The following CEP112 variants were observed in gnomAD, a reference collection of about 807,000 sequenced individuals.
CEP112 encodes the protein centrosomal protein 112, also known as centrosomal protein of 112 kDa.
Under a neutral mutation model 153.0 loss-of-function variants are expected in CEP112, and 127 were observed. The observed-to-expected ratio is 0.83, with a 90% CI of 0.72 to 0.96. The LOEUF (loss-of-function observed/expected upper bound fraction) is 0.96. Among genes scored for constraint, CEP112 ranks in the 40% least tolerant of loss-of-function variants. The pLI is 0.00. For missense variants in CEP112, 1,089 were observed against 1,101.2 expected (o/e 0.99, Z 0.16); for synonymous variants, 358 against 374.4 (o/e 0.96, Z 0.51).
chr17:66,112,227 G>A (rs1325569953), intron 6 of CEP112, among the ~76,000 whole-genome samples: 1 of 151,922 alleles, frequency 6.6e-6, no homozygotes, highest in Non-Finnish European at 1.5e-5. Context: ...GGAGGCGGAG[G>A]TTGCAGTGAG....
intron 21 of CEP112, among the ~76,000 whole-genome samples, chr17:65,797,444 T>A (rs2055003590): frequency 6.6e-6 from 1 of 152,172 alleles, no homozygotes; most frequent in African/African-American, 2.4e-5. Context: ...TGTTTACCAT[T>A]TGGGAGGATA....
intron 4 of CEP112, among the ~76,000 whole-genome samples, chr17:66,159,706 A>T (rs2071611438): frequency 6.6e-6 from 1 of 152,190 alleles, no homozygotes; most frequent in Admixed American, 6.5e-5. Flanking sequence ...GTACCTCAAA[A>T]TAGTAAGAGC....
At chr17:65,690,884 G>A (rs902495743) in intron 23 of CEP112, among the ~76,000 whole-genome samples, 3 of 152,134 alleles carry the variant, frequency 2.0e-5, no homozygotes, top group African/African-American at 7.2e-5. Flanking sequence ...GAAGTTGCTG[G>A]GGGGTGGGGA....
At chr17:66,004,309 G>A (rs1365742307) in intron 17 of CEP112, among the ~76,000 whole-genome samples, 3 of 151,970 alleles carry the variant, frequency 2.0e-5, no homozygotes, top group African/African-American at 4.8e-5. Context: ...GTGAAACCCA[G>A]TCTCTACTAA....
intron 21 of CEP112, among the ~76,000 whole-genome samples, chr17:65,847,813 G>A (rs2057782768): frequency 1.3e-5 from 2 of 152,204 alleles, no homozygotes; most frequent in South Asian, 4.1e-4. Context: ...AAAAGGTCGG[G>A]GAAGGATGCT....
chr17:65,860,925 T>C (rs960539284), intron 20 of CEP112, among the ~76,000 whole-genome samples: 2 of 152,036 alleles, frequency 1.3e-5, no homozygotes, highest in Non-Finnish European at 2.9e-5. Flanking sequence ...TATTCAGCAA[T>C]AAAGAGAAAT....
At chr17:65,800,677 A>G (rs1377104930) in intron 21 of CEP112, among the ~76,000 whole-genome samples, 2 of 152,196 alleles carry the variant, frequency 1.3e-5, no homozygotes, top group Non-Finnish European at 2.9e-5. Context: ...TTTTTGAGAA[A>G]CCATCAAACT....
intron 12 of CEP112, among the ~76,000 whole-genome samples, chr17:66,038,788 G>A (rs1427888494): frequency 6.6e-6 from 1 of 152,192 alleles, no homozygotes. Flanking sequence ...GTGAACTGAT[G>A]TAACTTGTAA....
rs2066550098 is a variant in CEP112, at chr17:66,053,725, T to C, written c.1218+11A>G. The C allele has an allele frequency of 6.2e-7, 1 of 1,608,480 alleles. No individual in the cohort carries two copies. Among genetic ancestry groups the C allele is most frequent in the African/African-American group, 1.3e-5 (1 of 74,800 alleles). ...GGTTCTAAGATGTCAAGAACAGGTT[T>C]AAAGACTCACTGTGGACTGTGTTTG... On this transcript the variant is annotated intron_variant, in intron 12 of 26. Coordinates refer to ENST00000535342, the MANE Select transcript of CEP112 (RefSeq NM_001199165.4).
At chr17:66,113,194 A>G (rs2069134989) in intron 6 of CEP112, among the ~76,000 whole-genome samples, 1 of 117,250 alleles carries the variant, frequency 8.5e-6, no homozygotes, top group Non-Finnish European at 1.8e-5. Context: ...TTAAATATGT[A>G]CCAGCTGAAG....
intron 6 of CEP112, among the ~76,000 whole-genome samples, chr17:66,101,500 G>T (rs2068568274): frequency 6.6e-6 from 1 of 152,048 alleles, no homozygotes; most frequent in Non-Finnish European, 1.5e-5. Context: ...TCCTGATTAA[G>T]TATTATAACA....
chr17:65,712,051 C>T (rs2049216819), intron 23 of CEP112, among the ~76,000 whole-genome samples: 1 of 152,138 alleles, frequency 6.6e-6, no homozygotes, highest in Non-Finnish European at 1.5e-5. Flanking sequence ...CAGAGTCCAT[C>T]GACTGCTGCG....
At chr17:66,149,078 A>C (rs1192453602) in intron 4 of CEP112, among the ~76,000 whole-genome samples, 7 of 152,186 alleles carry the variant, frequency 4.6e-5, no homozygotes, top group Non-Finnish European at 8.8e-5. Context: ...ACCTCAATTA[A>C]GATGATTGTG....
chr17:65,655,493 A>G (rs1336133967), intron 24 of CEP112: 1 of 691,418 alleles, frequency 1.4e-6, no homozygotes, highest in Non-Finnish European at 2.5e-6. Flanking sequence ...TCACAGAATA[A>G]TACATGTTGA....
chr17:66,154,463 C>G (rs1053359241), intron 4 of CEP112, among the ~76,000 whole-genome samples: 4 of 152,006 alleles, frequency 2.6e-5, no homozygotes, highest in Non-Finnish European at 4.4e-5. Flanking sequence ...TGCAGTGAGC[C>G]AAGATCGTGC....
At chr17:66,110,709 C>T (rs1232229091) in intron 6 of CEP112, among the ~76,000 whole-genome samples, 2 of 149,498 alleles carry the variant, frequency 1.3e-5, no homozygotes, top group Admixed American at 1.3e-4. Flanking sequence ...AAAAAATCAA[C>T]TCAAGATGGA....
chr17:65,964,372 GC>G (rs2062332152), intron 17 of CEP112, among the ~76,000 whole-genome samples: 1 of 152,228 alleles, frequency 6.6e-6, no homozygotes, highest in South Asian at 2.1e-4. Flanking sequence ...CACTCTGATG[GC>G]TATAAAGAAT....
intron 20 of CEP112, among the ~76,000 whole-genome samples, chr17:65,866,649 T>G (rs7209112): frequency 0.86 from 131,033 of 152,116 alleles, 56,672 homozygotes; most frequent in East Asian, 0.94. Flanking sequence ...GACCCAGCCA[T>G]ATCAGAAGAG....
At chr17:65,917,573 A>G (rs2060540179) in intron 19 of CEP112, among the ~76,000 whole-genome samples, 1 of 152,156 alleles carries the variant, frequency 6.6e-6, no homozygotes, top group South Asian at 2.1e-4. Flanking sequence ...TCTCCTGTCC[A>G]TGTAATTCCT....
Sources: allele counts gnomAD v4.1 joint callset (sites outside exome capture counted in the v4.1 genomes callset), GRCh38; gene constraint gnomAD v4.1.1; transcripts MANE v1.5; gene names NCBI Gene and HGNC (gene_info 2026-07-23, HGNC 2026-07-21).